Variants in TSPAN11 observed in about 807,000 individuals in gnomAD.
TSPAN11 encodes tetraspanin 11, also known as tetraspanin-11.
A neutral mutation model predicts 32.9 loss-of-function variants in TSPAN11; 29 were observed. The observed-to-expected ratio is 0.88, with a 90% CI of 0.66 to 1.20. The LOEUF (loss-of-function observed/expected upper bound fraction) is 1.20, where lower values mean the gene tolerates loss of function less well. TSPAN11 is among the 50% of genes most tolerant of loss of function. The probability of loss-of-function intolerance (pLI) is 0.00; values close to 1 mark genes in which losing one functional copy is unlikely to be tolerated. For missense variants in TSPAN11, 283 were observed against 329.1 expected (o/e 0.86, Z 1.08); for synonymous variants, 140 against 141.3 (o/e 0.99, Z 0.07).
intron 1 of TSPAN11, among the ~76,000 whole-genome samples, chr12:30,952,333 A>G (rs1938398425): frequency 6.6e-6 from 1 of 152,078 alleles, no homozygotes; most frequent in South Asian, 2.1e-4. Context: ...TGGCCGTGAA[A>G]TCGCTCCCAT....
At chr12:30,990,968 TGGGA>T (rs1939300636) in intron 7 of TSPAN11, among the ~76,000 whole-genome samples, 1 of 151,222 alleles carries the variant, frequency 6.6e-6, no homozygotes, top group Non-Finnish European at 1.5e-5. Context: ...CATCCTTGGG[TGGGA>T]GGGAGGAGAG....
intron 1 of TSPAN11, among the ~76,000 whole-genome samples, chr12:30,929,390 T>C (rs11613187): frequency 0.14 from 20,659 of 152,198 alleles, 1,419 homozygotes; most frequent in African/African-American, 0.16. Flanking sequence ...GTTTAATTTC[T>C]TGAATTTTGG....
chr12:30,982,725 GGGCCCTGGCCT>G (rs1206017746), intron 6 of TSPAN11, 35 bp downstream of exon 6: 8 of 1,528,924 alleles, frequency 5.2e-6, no homozygotes, highest in Non-Finnish European at 7.1e-6. Context: ...GGTGAGGAGA[GGGCCCTGGCCT>G]GGCCGTTCAG....
chr12:31,011,324 CTT>C, the TSPAN11 span, among the ~76,000 whole-genome samples: 2 of 152,196 alleles, frequency 1.3e-5, no homozygotes, highest in Non-Finnish European at 2.9e-5. Context: ...ATACTCATGA[CTT>C]ATGTAGTCCC....
the TSPAN11 span, among the ~76,000 whole-genome samples, chr12:31,010,451 G>A: frequency 6.6e-6 from 1 of 152,258 alleles, no homozygotes; most frequent in South Asian, 2.1e-4. Context: ...AGTCATGTGA[G>A]GCCCTTGGTC....
chr12:30,982,016 AG>A (rs989875562), intron 5 of TSPAN11, among the ~76,000 whole-genome samples: 5 of 152,170 alleles, frequency 3.3e-5, no homozygotes, highest in Non-Finnish European at 7.3e-5. Flanking sequence ...CACTCATGAC[AG>A]CCCCTCTGGT....
intron 1 of TSPAN11, among the ~76,000 whole-genome samples, chr12:30,932,931 C>T (rs1405136526): frequency 6.6e-6 from 1 of 152,182 alleles, no homozygotes; most frequent in Admixed American, 6.5e-5. Flanking sequence ...AAGGGAATGA[C>T]GCTGCCTTTC....
intron 2 of TSPAN11, among the ~76,000 whole-genome samples, chr12:30,956,549 CT>C (rs113814310): frequency 0.1 from 15,600 of 152,142 alleles, 944 homozygotes; most frequent in African/African-American, 0.17. Flanking sequence ...CCACCTCCCC[CT>C]GGCCCCTGCC....
At chr12:30,982,424 T>A in intron 5 of TSPAN11, 108 bp from the exon 6 acceptor site, 1 of 1,437,410 alleles carries the variant, frequency 7.0e-7, no homozygotes, top group Non-Finnish European at 9.4e-7. Context: ...TAACCATGGT[T>A]CGGGTAGACA....
chr12:30,985,098 G>A (rs1162606754), intron 7 of TSPAN11, among the ~76,000 whole-genome samples: 1 of 152,098 alleles, frequency 6.6e-6, no homozygotes, highest in Non-Finnish European at 1.5e-5. Flanking sequence ...TCATCTGTGG[G>A]CCTGGAAGGT....
chr12:30,931,613 C>T (rs961675989), intron 1 of TSPAN11, among the ~76,000 whole-genome samples: 9 of 152,232 alleles, frequency 5.9e-5, no homozygotes, highest in Non-Finnish European at 1.2e-4. Context: ...GGCGCGGTGG[C>T]TCATGCCTGT....
At chr12:30,936,738 G>A (rs10771783) in intron 1 of TSPAN11, among the ~76,000 whole-genome samples, 95,772 of 152,004 alleles carry the variant, frequency 0.63, 30,840 homozygotes, top group East Asian at 0.75. Flanking sequence ...AGTTTTGGGC[G>A]TGCTGGATAT....
At chr12:30,964,295 T>C (rs1390166130) in intron 3 of TSPAN11, among the ~76,000 whole-genome samples, 1 of 151,456 alleles carries the variant, frequency 6.6e-6, no homozygotes, top group Non-Finnish European at 1.5e-5. Flanking sequence ...TCTTCCTCCT[T>C]CTATTTCTTC....
At chr12:30,972,533 C>T (rs908756144) in intron 3 of TSPAN11, among the ~76,000 whole-genome samples, 2 of 152,020 alleles carry the variant, frequency 1.3e-5, no homozygotes, top group Non-Finnish European at 2.9e-5. Flanking sequence ...GGAGGAACAG[C>T]GAGAGCAAAA....
the TSPAN11 span, among the ~76,000 whole-genome samples, chr12:31,009,865 A>C: frequency 5.3e-5 from 8 of 152,228 alleles, no homozygotes; most frequent in Non-Finnish European, 1.0e-4. Flanking sequence ...ATAAAACAAA[A>C]AGTTGAAACT....
chr12:30,945,450 T>C (rs993393085), intron 1 of TSPAN11, among the ~76,000 whole-genome samples: 3 of 152,052 alleles, frequency 2.0e-5, no homozygotes, highest in Non-Finnish European at 4.4e-5. Context: ...TGTATTTATG[T>C]CTGATTTATA....
chr12:30,991,225 A>C (rs1385969905), intron 7 of TSPAN11, among the ~76,000 whole-genome samples: 1 of 152,188 alleles, frequency 6.6e-6, no homozygotes, highest in Admixed American at 6.5e-5. Flanking sequence ...TGACAGGGTG[A>C]GCTCACCAGC....
At chr12:30,970,227 G>C (rs912547188) in intron 3 of TSPAN11, among the ~76,000 whole-genome samples, 3 of 152,186 alleles carry the variant, frequency 2.0e-5, no homozygotes, top group African/African-American at 7.2e-5. Flanking sequence ...TCTCCCTGTT[G>C]GGGGTCTGGC....
chr12:30,976,254 G>A (rs534850863), intron 3 of TSPAN11, among the ~76,000 whole-genome samples: 27 of 152,254 alleles, frequency 1.8e-4, no homozygotes, highest in Middle Eastern at 6.8e-3. Context: ...TTAGATCACT[G>A]GAAAGTACAT....
Sources: gnomAD v4.1 joint callset for allele counts (sites outside exome capture counted in the v4.1 genomes callset) on GRCh38, gnomAD v4.1.1 for gene constraint, MANE v1.5 for transcripts, NCBI Gene and HGNC (gene_info 2026-07-23, HGNC 2026-07-21) for gene names.